The following CATSPERB variants were observed in gnomAD, a reference collection of about 807,000 sequenced individuals.
The protein encoded by CATSPERB is cation channel sperm-associated auxiliary subunit beta.
A neutral mutation model predicts 128.3 loss-of-function variants in CATSPERB; 93 were observed. The observed-to-expected ratio is 0.72, with a 90% confidence interval of 0.61 to 0.86. CATSPERB has a LOEUF of 0.86. CATSPERB is among the 40% of genes least tolerant of loss of function. CATSPERB has a pLI of 0.00. For synonymous variants in CATSPERB, 381 were observed against 448.8 expected, an observed-to-expected ratio of 0.85 and a Z score of 1.91; for missense variants, 1,153 against 1,329.5, an observed-to-expected ratio of 0.87 and a Z score of 2.06.
At chr14:91,607,225 A>G (rs1043694518) in intron 22 of CATSPERB, among the ~76,000 whole-genome samples, 1 of 152,172 alleles carries the variant, frequency 6.6e-6, no homozygotes, top group African/African-American at 2.4e-5. Flanking sequence ...TTACCTTCTC[A>G]TGGGGTCAGA....
At chr14:91,593,932 A>G (rs1893454697) in intron 22 of CATSPERB, among the ~76,000 whole-genome samples, 1 of 152,124 alleles carries the variant, frequency 6.6e-6, no homozygotes, top group African/African-American at 2.4e-5. Context: ...TTCCCATGCT[A>G]TTCTCATGAT....
At chr14:91,727,770 A>G (rs1896141655) in intron 2 of CATSPERB, among the ~76,000 whole-genome samples, 1 of 152,100 alleles carries the variant, frequency 6.6e-6, no homozygotes, top group Admixed American at 6.5e-5. Context: ...TGAATAACAT[A>G]CTCTGAGCCA....
chr14:91,648,616 T>C (rs1354368118), intron 15 of CATSPERB, among the ~76,000 whole-genome samples: 2 of 149,554 alleles, frequency 1.3e-5, no homozygotes, highest in Admixed American at 1.3e-4. Flanking sequence ...CAATATGATA[T>C]ATTTGTACTA....
intron 11 of CATSPERB, among the ~76,000 whole-genome samples, chr14:91,677,144 A>G (rs561613235): frequency 1.6e-4 from 24 of 152,344 alleles, no homozygotes; most frequent in Middle Eastern, 3.4e-3. Flanking sequence ...AGGCAATACC[A>G]TTCAGGACAT....
rs150639240 is a variant in CATSPERB at position 91,680,588 on chromosome 14, G to A, written c.931+3289C>T. On this transcript the variant is annotated intron_variant, in intron 11 of 26. Coordinates refer to ENST00000256343, the MANE Select transcript of CATSPERB (RefSeq NM_024764.4). ...TGCCTGCCCACCTCCATTCTAATCT[G>A]GCCTGAAATGTTTAATTGGCTATAA... Among the ~76,000 whole-genome samples the A allele has an allele frequency of 2.6e-5, 4 of 152,170 alleles. No individual in the cohort carries two copies. The East Asian group carries it at 7.7e-4, about 29-fold the overall frequency.
chr14:91,694,390 A>G (rs962958297), intron 7 of CATSPERB, among the ~76,000 whole-genome samples: 3 of 147,064 alleles, frequency 2.0e-5, no homozygotes, highest in African/African-American at 7.6e-5. Context: ...GCTGTAGTGA[A>G]CTATGATCAT....
At chr14:91,652,508 A>C (rs1311701645) in intron 15 of CATSPERB, among the ~76,000 whole-genome samples, 2 of 149,306 alleles carry the variant, frequency 1.3e-5, no homozygotes, top group East Asian at 2.0e-4. Context: ...ACAATACAAA[A>C]AAAAAAAAAA....
intron 6 of CATSPERB, among the ~76,000 whole-genome samples, chr14:91,707,757 C>T (rs930728454): frequency 6.7e-6 from 1 of 150,372 alleles, no homozygotes; most frequent in Non-Finnish European, 1.5e-5. Flanking sequence ...CATCACCATG[C>T]CTGGTTAACT....
intron 23 of CATSPERB, among the ~76,000 whole-genome samples, chr14:91,590,931 G>A (rs1177275196): frequency 3.9e-5 from 6 of 152,080 alleles, no homozygotes; most frequent in African/African-American, 1.2e-4. Flanking sequence ...AATTACAGGC[G>A]TGAGCCACCG....
chr14:91,674,096 T>G (rs1895149839), intron 12 of CATSPERB, 80 bp downstream of exon 12: 1 of 808,822 alleles, frequency 1.2e-6, no homozygotes, highest in Non-Finnish European at 2.0e-6. Context: ...AGAATTGCCA[T>G]TTTTTAGATT....
rs773480365 is a variant in CATSPERB, at chr14:91,587,203, T to G, written c.3131A>C (p.Gln1044Pro). The change falls in exon 26 of 27, where the codon CAG (glutamine) becomes CCG (proline). Residue 1044 changes from glutamine (Q) to proline (P), a missense_variant and splice_region_variant. Physicochemically the swap from Gln to Pro is moderately conservative, Grantham distance 76 (BLOSUM62 -1). Coordinates refer to ENST00000256343, the MANE Select transcript of CATSPERB (RefSeq NM_024764.4). ...VTFCNLIEEFQIYVDEAPLPF... is the reference protein window; with the variant it reads ...VTFCNLIEEFPIYVDEAPLPF... ...TGATGCCAAGTGCATCCATTTTACC[T>G]GAAATTCTTCAATTAAGTTACAAAA... 2 of 1,599,838 alleles carry G rather than the reference T, an allele frequency of 1.3e-6. No homozygotes were observed. The highest frequency in any genetic ancestry group is 8.5e-7 in the Non-Finnish European group (1 of 1,173,562).
chr14:91,706,316 C>T (rs974375401), intron 6 of CATSPERB, among the ~76,000 whole-genome samples: 3 of 152,158 alleles, frequency 2.0e-5, no homozygotes, highest in Non-Finnish European at 4.4e-5. Flanking sequence ...AAGCAGCTGA[C>T]GTTGCAGGGT....
chr14:91,591,681 C>G (rs995891580), intron 23 of CATSPERB, among the ~76,000 whole-genome samples: 3 of 151,838 alleles, frequency 2.0e-5, no homozygotes, highest in Non-Finnish European at 4.4e-5. Flanking sequence ...CAAGGTAGTG[C>G]AGGTATTATT....
intron 26 of CATSPERB, among the ~76,000 whole-genome samples, chr14:91,583,943 T>C (rs1893252339): frequency 6.6e-6 from 1 of 152,172 alleles, no homozygotes; most frequent in South Asian, 2.1e-4. Flanking sequence ...GGTTATTCAC[T>C]GGCATGTTAA....
At chr14:91,671,891 C>T (rs1333784906) in intron 13 of CATSPERB, among the ~76,000 whole-genome samples, 1 of 151,924 alleles carries the variant, frequency 6.6e-6, no homozygotes, top group African/African-American at 2.4e-5. Flanking sequence ...TGGTGGCGGG[C>T]GCCTGTAGTC....
At chr14:91,611,382 G>A (rs1893823463) in intron 20 of CATSPERB, among the ~76,000 whole-genome samples, 3 of 152,168 alleles carry the variant, frequency 2.0e-5, no homozygotes, top group African/African-American at 7.2e-5. Flanking sequence ...GGCTGAGGTG[G>A]GTGGATCACC....
At chr14:91,711,371 C>T (rs148978899) in intron 5 of CATSPERB, among the ~76,000 whole-genome samples, 241 of 152,302 alleles carry the variant, frequency 1.6e-3, no homozygotes, top group African/African-American at 5.5e-3. Flanking sequence ...GCTGGGATTA[C>T]AGGCATGTGC....
chr14:91,704,753 G>A, intron 6 of CATSPERB, 52 bp from the exon 7 acceptor site: 2 of 1,568,816 alleles, frequency 1.3e-6, no homozygotes, highest in Non-Finnish European at 1.7e-6. Context: ...CTTGAAAATG[G>A]ATGCTACTTT....
At chr14:91,686,469 G>A (rs1423198659) in intron 10 of CATSPERB, among the ~76,000 whole-genome samples, 1 of 152,072 alleles carries the variant, frequency 6.6e-6, no homozygotes, top group African/African-American at 2.4e-5. Flanking sequence ...TCAATCATTA[G>A]TAAAAGAGGT....
Sources: gnomAD v4.1 joint callset for allele counts (sites outside exome capture counted in the v4.1 genomes callset) on GRCh38, gnomAD v4.1.1 for gene constraint, MANE v1.5 for transcripts, NCBI Gene and HGNC (gene_info 2026-07-23, HGNC 2026-07-21) for gene names.